The following MED13L variants were observed in gnomAD, a reference collection of about 807,000 sequenced individuals.
MED13L encodes mediator of RNA polymerase II transcription subunit 13-like.
MED13L carries 7 observed loss-of-function variants against 220.9 expected under a neutral mutation model. The ratio of observed to expected loss-of-function variants is 0.03; its 90% CI spans 0.02 to 0.06. The LOEUF (loss-of-function observed/expected upper bound fraction) is 0.06. MED13L is among the 10% of genes least tolerant of loss of function. MED13L has a pLI of 1.00. For synonymous variants in MED13L, 1,011 were observed against 1,015.2 expected (o/e 1.00, Z 0.08); for missense variants, 1,965 against 2,760.5 (o/e 0.71, Z 6.46).
At chr12:116,112,153 A>G (rs975947152) in intron 2 of MED13L, among the ~76,000 whole-genome samples, 3 of 152,178 alleles carry the variant, frequency 2.0e-5, no homozygotes, top group Admixed American at 2.0e-4. Context: ...TCCAACACCA[A>G]AAGAATCCAA....
At chr12:115,978,739 G>A (rs961526640) in intron 23 of MED13L, among the ~76,000 whole-genome samples, 1 of 152,036 alleles carries the variant, frequency 6.6e-6, no homozygotes, top group East Asian at 1.9e-4. Context: ...TTTATAAAAC[G>A]AATGGCTAAA....
At chr12:116,275,457 CTT>C (rs1287207672) in intron 1 of MED13L, among the ~76,000 whole-genome samples, 4 of 152,110 alleles carry the variant, frequency 2.6e-5, no homozygotes, top group Non-Finnish European at 5.9e-5. Context: ...GATACTATGT[CTT>C]TGTAGGTAAA....
intron 4 of MED13L, among the ~76,000 whole-genome samples, chr12:116,060,972 A>T (rs1271850704): frequency 6.6e-6 from 1 of 152,188 alleles, no homozygotes; most frequent in African/African-American, 2.4e-5. Context: ...ATGTGGGCAT[A>T]TGTGTCTTCT....
chr12:116,029,367 G>T (rs1880589874), intron 4 of MED13L, among the ~76,000 whole-genome samples: 1 of 147,068 alleles, frequency 6.8e-6, no homozygotes, highest in Non-Finnish European at 1.5e-5. Flanking sequence ...TGGAGAGTCT[G>T]CCATTTTTAA....
chr12:116,180,943 T>G (rs1393079120), intron 2 of MED13L, among the ~76,000 whole-genome samples: 2 of 151,512 alleles, frequency 1.3e-5, no homozygotes, highest in African/African-American at 4.9e-5. Flanking sequence ...TTTTTTTTTT[T>G]TTTTTGAAAT....
intron 2 of MED13L, among the ~76,000 whole-genome samples, chr12:116,146,642 G>C (rs1047803101): frequency 6.6e-5 from 10 of 151,840 alleles, no homozygotes; most frequent in South Asian, 4.1e-4. Context: ...AGGCAGGGGG[G>C]ACTGCTTGAG....
chr12:116,214,432 T>C (rs181503564), intron 2 of MED13L, among the ~76,000 whole-genome samples: 3 of 152,066 alleles, frequency 2.0e-5, no homozygotes, highest in Admixed American at 1.3e-4. Context: ...GACAAAAAGG[T>C]TTAAAAAAAA....
chr12:115,961,636 G>T, intron 30 of MED13L: 1 of 567,180 alleles, frequency 1.8e-6, no homozygotes, highest in East Asian at 3.2e-5. Flanking sequence ...AGGCCAGTAG[G>T]AACTTGCGTG....
At chr12:116,144,498 CAT>C (rs1877323564) in intron 2 of MED13L, among the ~76,000 whole-genome samples, 1 of 152,182 alleles carries the variant, frequency 6.6e-6, no homozygotes, top group Non-Finnish European at 1.5e-5. Context: ...TACCCCAAAA[CAT>C]AAAATCTTGG....
At chr12:116,210,909 C>T (rs1363832088) in intron 2 of MED13L, among the ~76,000 whole-genome samples, 1 of 152,102 alleles carries the variant, frequency 6.6e-6, no homozygotes, top group Non-Finnish European at 1.5e-5. Flanking sequence ...CTGAAAAGCA[C>T]TCTCATGGTT....
At chr12:116,244,329 A>C (rs767285318) in intron 1 of MED13L, among the ~76,000 whole-genome samples, 2 of 152,230 alleles carry the variant, frequency 1.3e-5, no homozygotes, top group African/African-American at 2.4e-5. Flanking sequence ...CAAAATAAAC[A>C]TACACATCTG....
At chr12:116,023,550 CA>C (rs150339937) in intron 4 of MED13L, among the ~76,000 whole-genome samples, 32 of 147,446 alleles carry the variant, frequency 2.2e-4, no homozygotes, top group East Asian at 5.9e-4. Context: ...GAGTACTACT[CA>C]AAAAAAAAAT....
chr12:116,250,237 C>T (rs56187732), intron 1 of MED13L, among the ~76,000 whole-genome samples: 22,977 of 151,590 alleles, frequency 0.15, 1,961 homozygotes, highest in Middle Eastern at 0.22. Flanking sequence ...AAAAACAGTT[C>T]CCAAATCTAG....
At chr12:116,146,940 A>C (rs1474786658) in intron 2 of MED13L, among the ~76,000 whole-genome samples, 1 of 152,192 alleles carries the variant, frequency 6.6e-6, no homozygotes, top group African/African-American at 2.4e-5. Context: ...TGAAGAGTTT[A>C]AGTATACACA....
chr12:116,108,114 A>AAAC lies in MED13L; in HGVS notation c.395+3313_395+3314insGTT, dbSNP rs1565880950. 3.4e-4 allele frequency among the ~76,000 whole-genome samples: 52 copies of AAAC among 150,998 alleles called. 1 individual carries two copies. The highest frequency in any genetic ancestry group is 1.1e-3 in the African/African-American group (44 of 41,142). On this transcript the variant is annotated intron_variant, in intron 3 of 30. Transcript: ENST00000281928. ...CAAAACAAACAAACAAACAAACAAAAAAAAAAAACCCCTCAGTTCTAGCTT... is the reference window on the plus strand; with the variant it reads ...CAAAACAAACAAACAAACAAACAAAAAACAAAAAAAACCCCTCAGTTCTAGCTT...
intron 2 of MED13L, among the ~76,000 whole-genome samples, chr12:116,112,936 T>A (rs1874205664): frequency 6.6e-6 from 1 of 152,210 alleles, no homozygotes; most frequent in Admixed American, 6.5e-5. Flanking sequence ...GATACACCAT[T>A]ATTTTGCAAA....
chr12:116,088,241 T>C (rs1238715542), intron 4 of MED13L, among the ~76,000 whole-genome samples: 1 of 152,120 alleles, frequency 6.6e-6, no homozygotes, highest in Non-Finnish European at 1.5e-5. Flanking sequence ...ACCTTGGTTC[T>C]TAGTGGCAAA....
chr12:116,066,144 G>A (rs928595124), intron 4 of MED13L, among the ~76,000 whole-genome samples: 1 of 152,182 alleles, frequency 6.6e-6, no homozygotes, highest in African/African-American at 2.4e-5. Flanking sequence ...CACACACAGA[G>A]TTCCATTTCC....
intron 2 of MED13L, among the ~76,000 whole-genome samples, chr12:116,160,418 G>C (rs186457295): frequency 5.0e-4 from 76 of 152,168 alleles, no homozygotes; most frequent in African/African-American, 1.8e-3. Flanking sequence ...ACTCTCTGGA[G>C]AGCCCTGCAA....
Sources: allele counts gnomAD v4.1 joint callset (sites outside exome capture counted in the v4.1 genomes callset), GRCh38; gene constraint gnomAD v4.1.1; transcripts MANE v1.5; gene names NCBI Gene and HGNC (gene_info 2026-07-23, HGNC 2026-07-21).